Variants in GALNT14 observed in about 807,000 individuals in gnomAD.
The protein encoded by GALNT14 is UDP-GalNAc:polypeptide N-acetylgalactosaminyltransferase 14.
Under a neutral mutation model 77.5 loss-of-function variants are expected in GALNT14, and 60 were observed. That is an observed-to-expected ratio of 0.77 (90% CI 0.63 to 0.96). The LOEUF (loss-of-function observed/expected upper bound fraction) is 0.96, where lower values mean the gene tolerates loss of function less well. Among genes scored for constraint, GALNT14 ranks in the 40% least tolerant of loss-of-function variants. The pLI, the probability that GALNT14 is intolerant of heterozygous loss-of-function variation, is 0.00. For missense variants in GALNT14, 710 were observed against 731.0 expected (o/e 0.97, Z 0.33); for synonymous variants, 280 against 281.7 (o/e 0.99, Z 0.06).
At chr2:31,020,624 T>G (rs1196010819) in intron 1 of GALNT14, among the ~76,000 whole-genome samples, 1 of 152,214 alleles carries the variant, frequency 6.6e-6, no homozygotes, top group Non-Finnish European at 1.5e-5. Flanking sequence ...GGCCTGGGAA[T>G]GGCCTCCCCA....
chr2:30,898,814 G>A, the GALNT14 span, among the ~76,000 whole-genome samples: 130 of 152,250 alleles, frequency 8.5e-4, no homozygotes, highest in Non-Finnish European at 1.5e-3. Flanking sequence ...AAGGGGAATC[G>A]AGAGGCAACC....
At chr2:31,066,070 TGA>T (rs1250019953) in intron 1 of GALNT14, among the ~76,000 whole-genome samples, 1 of 152,170 alleles carries the variant, frequency 6.6e-6, no homozygotes, top group African/African-American at 2.4e-5. Context: ...GGCTGATATG[TGA>T]GAGAGATGAG....
intron 1 of GALNT14, among the ~76,000 whole-genome samples, chr2:31,091,091 T>G (rs1055114197): frequency 8.5e-5 from 13 of 152,158 alleles, no homozygotes; most frequent in African/African-American, 2.9e-4. Context: ...GGGTTTGCTT[T>G]GACTGGGGGA....
intron 1 of GALNT14, among the ~76,000 whole-genome samples, chr2:31,012,563 C>T (rs1024295996): frequency 2.0e-5 from 3 of 152,318 alleles, no homozygotes; most frequent in South Asian, 2.1e-4. Flanking sequence ...AGACACAGAA[C>T]TCACAGCCCT....
chr2:31,079,106 T>C (rs936687794), intron 1 of GALNT14: 1 of 1,210,510 alleles, frequency 8.3e-7, no homozygotes, highest in Non-Finnish European at 1.1e-6. Flanking sequence ...ATGATGATAT[T>C]TGGCATAGGT....
At chr2:31,136,705 G>A (rs1282504606) in intron 1 of GALNT14, among the ~76,000 whole-genome samples, 1 of 152,180 alleles carries the variant, frequency 6.6e-6, no homozygotes, top group African/African-American at 2.4e-5. Flanking sequence ...GAGGCAACTT[G>A]ATATACTGGA....
intron 1 of GALNT14, among the ~76,000 whole-genome samples, chr2:31,100,943 G>T (rs910901195): frequency 2.0e-5 from 3 of 151,954 alleles, no homozygotes; most frequent in Admixed American, 1.3e-4. Context: ...AAATATCTCC[G>T]ATAATTTATT....
intron 1 of GALNT14, among the ~76,000 whole-genome samples, chr2:31,002,835 C>T (rs576999130): frequency 3.2e-4 from 49 of 152,316 alleles, no homozygotes; most frequent in Non-Finnish European, 5.4e-4. Context: ...GCACCCAGCC[C>T]TTCGCTTGCC....
At chr2:30,899,302 T>TGCC in the GALNT14 span, among the ~76,000 whole-genome samples, 1 of 152,218 alleles carries the variant, frequency 6.6e-6, no homozygotes, top group Non-Finnish European at 1.5e-5. Flanking sequence ...GGCAGCCCTT[T>TGCC]GCCCCAGCAC....
intron 1 of GALNT14, among the ~76,000 whole-genome samples, chr2:31,003,407 C>T (rs1461641155): frequency 6.6e-6 from 1 of 152,182 alleles, no homozygotes; most frequent in African/African-American, 2.4e-5. Flanking sequence ...TTCCTCCTCA[C>T]CCTCCTCCCT....
intron 1 of GALNT14, among the ~76,000 whole-genome samples, chr2:31,055,855 T>C (rs1674176918): frequency 6.6e-6 from 1 of 152,222 alleles, no homozygotes; most frequent in Non-Finnish European, 1.5e-5. Flanking sequence ...AGCCTAACAA[T>C]AGGACCTCTA....
rs1439524076 is a variant in GALNT14 at position 30,932,042 on chromosome 2, C to T, written c.1058+26G>A. On this transcript the variant is annotated intron_variant, in intron 10 of 14. Coordinates refer to ENST00000349752, the MANE Select transcript of GALNT14 (RefSeq NM_024572.4). Reference sequence around the variant, plus strand: ...CCTTGGCTGCCTGTGCTGCTGCCCACCCGCGCTGAGCCCCTGGGCACTTAC... The same window carrying T: ...CCTTGGCTGCCTGTGCTGCTGCCCATCCGCGCTGAGCCCCTGGGCACTTAC... 3.4e-6 allele frequency: 5 copies of T among 1,484,104 alleles called. No individual in the cohort carries two copies. In the Admixed American group the frequency reaches 9.1e-5, roughly 27 times the overall value. The allele number at this position is 1,484,104 out of a possible 1,614,324, so 91.9% of individuals were successfully genotyped here. A position where few individuals can be genotyped will look rare whatever the true frequency, so the allele number is the denominator to read the frequency against.
intron 2 of GALNT14, among the ~76,000 whole-genome samples, chr2:30,970,839 C>T (rs1440923599): frequency 6.6e-6 from 1 of 152,158 alleles, no homozygotes; most frequent in Middle Eastern, 3.2e-3. Flanking sequence ...GCTCACAGCT[C>T]AGGAGCCTGG....
At chr2:31,090,450 C>G (rs1000264500) in intron 1 of GALNT14, among the ~76,000 whole-genome samples, 2 of 148,056 alleles carry the variant, frequency 1.4e-5, no homozygotes, top group African/African-American at 5.0e-5. Context: ...AGCTCCAGCT[C>G]TGCTTGCACT....
At chr2:31,011,316 T>G (rs888131072) in intron 1 of GALNT14, among the ~76,000 whole-genome samples, 10 of 152,192 alleles carry the variant, frequency 6.6e-5, no homozygotes, top group African/African-American at 2.4e-4. Context: ...ACCACTTTGG[T>G]AGCAAAGTGA....
chr2:31,074,102 A>G (rs769101551), intron 1 of GALNT14, among the ~76,000 whole-genome samples: 4 of 152,190 alleles, frequency 2.6e-5, no homozygotes, highest in Non-Finnish European at 5.9e-5. Context: ...CCCATGGTGC[A>G]GAGGAAGTAG....
intron 1 of GALNT14, among the ~76,000 whole-genome samples, chr2:31,042,779 C>T (rs1673180524): frequency 6.6e-6 from 1 of 152,162 alleles, no homozygotes; most frequent in South Asian, 2.1e-4. Context: ...TGGTTCCAGC[C>T]TCCACCGTCT....
intron 1 of GALNT14, among the ~76,000 whole-genome samples, chr2:31,074,310 T>C (rs1371899938): frequency 6.6e-6 from 1 of 152,144 alleles, no homozygotes; most frequent in East Asian, 1.9e-4. Context: ...ATCTGTGAAA[T>C]GGAGCTAACA....
At chr2:31,035,567 GTA>G (rs1312454382) in intron 1 of GALNT14, among the ~76,000 whole-genome samples, 3,922 of 135,938 alleles carry the variant, frequency 0.029, 257 homozygotes, top group African/African-American at 0.11. Context: ...GTGTGTGTGT[GTA>G]TGTGTGTGTG....
Sources: allele counts gnomAD v4.1 joint callset (sites outside exome capture counted in the v4.1 genomes callset), GRCh38; gene constraint gnomAD v4.1.1; transcripts MANE v1.5; gene names NCBI Gene and HGNC (gene_info 2026-07-23, HGNC 2026-07-21).